Variants in TMPO observed in about 807,000 individuals in gnomAD.
The protein encoded by TMPO is thymopoietin, also known as LEM domain containing 4.
A neutral mutation model predicts 45.4 loss-of-function variants in TMPO; 22 were observed. That is an observed-to-expected ratio of 0.48 (90% confidence interval 0.35 to 0.69). The LOEUF (loss-of-function observed/expected upper bound fraction) is 0.69. Ranked by LOEUF, TMPO falls within the 30% of genes least tolerant of loss-of-function variation. The pLI is 0.01. For synonymous variants in TMPO, 241 were observed against 204.1 expected, an observed-to-expected ratio of 1.18 and a Z score of -1.54; for missense variants, 512 against 548.8, an observed-to-expected ratio of 0.93 and a Z score of 0.67.
intron 1 of TMPO, among the ~76,000 whole-genome samples, chr12:98,526,010 A>C (rs534297981): frequency 6.6e-6 from 1 of 152,334 alleles, no homozygotes; most frequent in Non-Finnish European, 1.5e-5. Context: ...GCTGTTTGCC[A>C]CAGCCTTAAA....
intron 4 of TMPO, among the ~76,000 whole-genome samples, chr12:98,538,421 A>G (rs911651697): frequency 6.6e-6 from 1 of 152,144 alleles, no homozygotes; most frequent in Non-Finnish European, 1.5e-5. Context: ...GCGTGATCCC[A>G]TCTCATTGCA....
chr12:98,515,909 C>T lies in TMPO; in HGVS notation c.42C>T (p.Asp14=). The change falls in exon 1 of 9, where the codon GAC becomes GAT. Residue 14 remains aspartate (D), a synonymous_variant. Coordinates refer to ENST00000556029, the MANE Select transcript of TMPO (RefSeq NM_001032283.3). ...FLEDPSVLTK[D]KLKSELVANN... is the part of the protein sequence containing the mutation. ...AAGACCCCTCGGTCCTGACAAAAGA[C>T]AAGTTGAAGAGTGAGTTGGTCGCCA... The T allele has an allele frequency of 6.2e-7, 1 of 1,613,760 alleles. No homozygotes were observed. The highest frequency in any genetic ancestry group is 8.5e-7 in the Non-Finnish European group (1 of 1,179,828).
chr12:98,546,499 A>T, intron 8 of TMPO, 52 bp downstream of exon 8: 3 of 1,310,090 alleles, frequency 2.3e-6, no homozygotes, highest in South Asian at 1.2e-5. Context: ...GGGAATCTTT[A>T]TTTTTAATTC....
intron 1 of TMPO, among the ~76,000 whole-genome samples, chr12:98,524,286 A>G (rs1876594630): frequency 6.6e-6 from 1 of 152,152 alleles, no homozygotes; most frequent in Middle Eastern, 3.2e-3. Context: ...AAGAGTTAAG[A>G]TTTTGGGCTG....
intron 4 of TMPO, chr12:98,537,847 T>G (rs940554584): frequency 5.5e-6 from 3 of 546,998 alleles, no homozygotes; most frequent in Non-Finnish European, 9.7e-6. Context: ...AAAGAAATAT[T>G]TTAAAAGGTG....
At chr12:98,542,656 G>A (rs1201778868) in intron 4 of TMPO, among the ~76,000 whole-genome samples, 1 of 152,098 alleles carries the variant, frequency 6.6e-6, no homozygotes, top group African/African-American at 2.4e-5. Context: ...GAGGTCAGGA[G>A]ACCAGCCTGG....
chr12:98,547,466 CA>C, intron 8 of TMPO, 106 bp from the exon 9 acceptor site: 1 of 1,338,888 alleles, frequency 7.5e-7, no homozygotes, highest in South Asian at 1.2e-5. Flanking sequence ...ACTGTTACCT[CA>C]GGGAATGTGC....
intron 4 of TMPO, 23 bp downstream of exon 4, chr12:98,537,595 C>A: frequency 1.3e-6 from 2 of 1,555,088 alleles, no homozygotes; most frequent in East Asian, 2.3e-5. Flanking sequence ...TTATTACCAC[C>A]GTGTACAGGT....
chr12:98,517,324 A>G (rs76095722), intron 1 of TMPO, among the ~76,000 whole-genome samples: 2,064 of 152,250 alleles, frequency 0.014, 22 homozygotes, highest in Non-Finnish European at 0.017. Flanking sequence ...TTGCTTTTTT[A>G]CCTGTGGATT....
intron 1 of TMPO, among the ~76,000 whole-genome samples, chr12:98,521,903 T>A (rs1592932707): frequency 6.6e-6 from 1 of 152,088 alleles, no homozygotes; most frequent in Non-Finnish European, 1.5e-5. Flanking sequence ...CTAATTTTTT[T>A]ATTTTTAGTA....
chr12:98,531,860 A>G, intron 3 of TMPO, 22 bp downstream of exon 3: 2 of 1,600,840 alleles, frequency 1.2e-6, no homozygotes, highest in Non-Finnish European at 1.7e-6. Flanking sequence ...AATGATGTTA[A>G]TCAAATGTAT....
intron 8 of TMPO, among the ~76,000 whole-genome samples, chr12:98,546,915 G>A (rs1412112764): frequency 6.6e-6 from 1 of 152,112 alleles, no homozygotes; most frequent in African/African-American, 2.4e-5. Flanking sequence ...TGAAAAGGCT[G>A]TGTTTATGTA....
intron 1 of TMPO, among the ~76,000 whole-genome samples, chr12:98,517,288 C>T (rs1454709654): frequency 6.6e-6 from 1 of 152,218 alleles, no homozygotes; most frequent in Non-Finnish European, 1.5e-5. Context: ...TCGGCTCCAG[C>T]AAAGCATGTT....
chr12:98,526,887 G>A (rs1472917779), intron 1 of TMPO, among the ~76,000 whole-genome samples: 1 of 152,066 alleles, frequency 6.6e-6, no homozygotes, highest in Non-Finnish European at 1.5e-5. Context: ...GAACCCGGGA[G>A]TCGGAGGTTG....
intron 4 of TMPO, chr12:98,537,790 T>A: frequency 1.6e-6 from 1 of 635,832 alleles, no homozygotes; most frequent in East Asian, 2.7e-5. Flanking sequence ...TCATTTGTGT[T>A]TGAGTCTGTG....
At chr12:98,522,378 A>C (rs911062186) in intron 1 of TMPO, among the ~76,000 whole-genome samples, 1 of 152,188 alleles carries the variant, frequency 6.6e-6, no homozygotes, top group Admixed American at 6.5e-5. Context: ...GCATGCTACC[A>C]ATAGGAAATG....
At chr12:98,534,397 A>G (rs1877440341) in intron 3 of TMPO, 2 of 1,602,918 alleles carry the variant, frequency 1.2e-6, no homozygotes, top group South Asian at 1.1e-5. Flanking sequence ...TTATGCCAAC[A>G]TTTTCTTTTC....
In TMPO at chr12:98,549,830, A is replaced by C. The variant is rs796600652; in HGVS notation, c.*1972A>C. 3 of 147,266 alleles carry C rather than the reference A, an allele frequency of 2.0e-5. No homozygotes were observed. Among genetic ancestry groups the C allele is most frequent in the Admixed American group, 6.8e-5 (1 of 14,658 alleles). The allele number at this position is 147,266 out of a possible 1,614,324, so 9.1% of individuals were successfully genotyped here. A position where few individuals can be genotyped will look rare whatever the true frequency, so the allele number is the denominator to read the frequency against. On this transcript the variant is annotated 3_prime_UTR_variant, in exon 9 of 9. Transcript: ENST00000556029. ...ACGTACTTTGCAATTGAGACCAGAA[A>C]GACTTGTAGGTCTTTCTGCAGAATG...
Position 98,544,494 on chromosome 12 carries a change from C to T in TMPO, c.836C>T (p.Thr279Ile). 1 of 1,613,888 alleles carries T rather than the reference C, an allele frequency of 6.2e-7. No individual in the cohort carries two copies. The highest frequency in any genetic ancestry group is 8.5e-7 in the Non-Finnish European group (1 of 1,179,856). Residue 279 changes from threonine to isoleucine, a missense_variant, in exon 6 of 9, where the codon ACT becomes ATT. By Grantham distance (89) the Thr-to-Ile change is moderately conservative (BLOSUM62 -1). Coordinates refer to ENST00000556029, the MANE Select transcript of TMPO (RefSeq NM_001032283.3). The part of the protein sequence containing the change: ...RIDGPVISES[T>I]PIAETIMASS... ...GATGGTCCAGTAATTTCAGAGAGTA[C>T]TCCCATAGCTGAAACTATAATGGCT...
Sources: gnomAD v4.1 joint callset for allele counts (sites outside exome capture counted in the v4.1 genomes callset) on GRCh38, gnomAD v4.1.1 for gene constraint, MANE v1.5 for transcripts, NCBI Gene and HGNC (gene_info 2026-07-23, HGNC 2026-07-21) for gene names.